The following SH2D3A variants were observed in gnomAD, a reference collection of about 807,000 sequenced individuals.
SH2D3A encodes the protein SH2 domain-containing protein 3A.
In SH2D3A, 46 loss-of-function variants were observed where a neutral mutation model predicts 50.6. That is an observed-to-expected ratio of 0.91 (90% CI 0.72 to 1.16). SH2D3A has a LOEUF of 1.16. Ranked by LOEUF, SH2D3A falls within the 50% of genes most tolerant of loss-of-function variation. The probability of loss-of-function intolerance (pLI) is 0.00; values close to 1 mark genes in which losing one functional copy is unlikely to be tolerated. For missense variants in SH2D3A, 783 were observed against 786.2 expected (o/e 1.00, Z 0.05); for synonymous variants, 377 against 348.4 (o/e 1.08, Z -0.91).
rs1478962635 is a variant in SH2D3A, at chr19:6,760,820, T to C, written c.237A>G (p.Gln79=). Residue 79 remains glutamine, a synonymous_variant, in exon 3 of 10, where the codon CAA becomes CAG. Transcript: ENST00000245908. ...PRPGRPTALF[Q]LEDEQFPSIP... The stretch of plus-strand genomic sequence containing the variant: ...TGCTGGGGAATTGCTCATCCTCCAG[T>C]TGAAAGAGGGCTGTGGGTCGGCCTG... The C allele has an allele frequency of 1.4e-5, 23 of 1,614,156 alleles. No individual in the cohort carries two copies. Among genetic ancestry groups the C allele is most frequent in the Non-Finnish European group, 1.8e-5 (21 of 1,180,008 alleles).
chr19:6,758,713 C>CT (rs1207444747), intron 4 of SH2D3A: 23 of 152,276 alleles, frequency 1.5e-4, no homozygotes, highest in African/African-American at 5.3e-4. Context: ...GGGCAGGGAT[C>CT]TTTGTCTCTT....
At position 6,754,871 on chromosome 19, in the gene SH2D3A, G is replaced by C. The variant is rs1969559834; in HGVS notation, c.941C>G (p.Pro314Arg). 1.9e-6 allele frequency: 3 copies of C among 1,599,190 alleles called. No individual in the cohort carries two copies. The East Asian group carries it at 6.7e-5, about 36-fold the overall frequency. Reference sequence around the variant, plus strand: ...TAGCAGGTGAAGGGCGGTGCTCCCAGGATGGTGCTCCAGGAACAGGCCACG... The same window carrying C: ...TAGCAGGTGAAGGGCGGTGCTCCCACGATGGTGCTCCAGGAACAGGCCACG... ...TLRGLFLEHH[P>R]GSTALHLLLV... Residue 314 changes from proline (P) to arginine (R), a missense_variant, in exon 5 of 10, where the codon CCT becomes CGT. By Grantham distance (103) the Pro-to-Arg change is moderately radical. Coordinates refer to ENST00000245908, the MANE Select transcript of SH2D3A (RefSeq NM_005490.3).
At chr19:6,760,575 C>A in intron 3 of SH2D3A, 63 bp downstream of exon 3, 1 of 1,373,286 alleles carries the variant, frequency 7.3e-7, no homozygotes. Flanking sequence ...AAAAGTCAAC[C>A]ATTGAGTTGG....
intron 9 of SH2D3A, 107 bp from the exon 10 acceptor site, chr19:6,752,860 C>T: frequency 1.4e-6 from 2 of 1,418,242 alleles, no homozygotes; most frequent in Non-Finnish European, 1.8e-6. Flanking sequence ...CCAACAGGGG[C>T]CCGGGAGGGA....
chr19:6,764,579 T>C (rs1970202901), intron 1 of SH2D3A: 1 of 152,198 alleles, frequency 6.6e-6, no homozygotes, highest in South Asian at 2.1e-4. Context: ...ATCTCTGTCC[T>C]TGGGAGCTGA....
chr19:6,762,681 C>CTTT (rs941083340), intron 2 of SH2D3A, among the ~76,000 whole-genome samples: 1 of 126,760 alleles, frequency 7.9e-6, no homozygotes, highest in Non-Finnish European at 1.7e-5. Flanking sequence ...ATAATTTTCG[C>CTTT]TTTTTTTTTT....
At chr19:6,760,328 A>T (rs902585384) in intron 3 of SH2D3A, among the ~76,000 whole-genome samples, 16 of 152,316 alleles carry the variant, frequency 1.1e-4, no homozygotes, top group Admixed American at 5.9e-4. Context: ...GTGGGCTGAG[A>T]TCGTGCCATT....
chr19:6,767,215 C>G (rs1391373130), intron 1 of SH2D3A, among the ~76,000 whole-genome samples, 172 bp downstream of exon 1: 3 of 152,178 alleles, frequency 2.0e-5, no homozygotes, highest in Non-Finnish European at 4.4e-5. Context: ...TAGAGAGGCA[C>G]GCCCAGGTGA....
At chr19:6,767,316 C>T (rs1000080921) in intron 1 of SH2D3A, 71 bp downstream of exon 1, 1 of 152,282 alleles carries the variant, frequency 6.6e-6, no homozygotes, top group Non-Finnish European at 1.5e-5. Flanking sequence ...GAGCCGGTGA[C>T]CCCACCTGGA....
At chr19:6,753,713 C>T in intron 8 of SH2D3A, 72 bp from the exon 9 acceptor site, 3 of 1,389,868 alleles carry the variant, frequency 2.2e-6, no homozygotes, top group Non-Finnish European at 2.9e-6. Flanking sequence ...GAACCTAGGA[C>T]AAATGCAGGG....
chr19:6,761,964 AC>A (rs79015424), intron 2 of SH2D3A, among the ~76,000 whole-genome samples: 12 of 110,642 alleles, frequency 1.1e-4, no homozygotes, highest in African/African-American at 5.3e-4. Context: ...CAAAAAAAAA[AC>A]AAAAAAAAAA....
rs1167849260 is a variant in SH2D3A at position 6,761,379 on chromosome 19, AC to A, written c.70-393del. Among the ~76,000 whole-genome samples the A allele has an allele frequency of 2.0e-5, 3 of 152,312 alleles. No homozygotes were observed. The East Asian group carries it at 5.8e-4, about 29-fold the overall frequency. On this transcript the variant is annotated intron_variant, in intron 2 of 9. Coordinates refer to ENST00000245908, the MANE Select transcript of SH2D3A (RefSeq NM_005490.3). ...AGCTACAAGATGCACTTGGCTCCCA[AC>A]TGATTTATGGAGCTTTGCATCTCTG...
chr19:6,759,514 C>T, intron 4 of SH2D3A, 80 bp downstream of exon 4: 2 of 1,271,870 alleles, frequency 1.6e-6, no homozygotes, highest in Non-Finnish European at 1.1e-6. Context: ...CGAAGAGGTG[C>T]CTGCACCTGA....
chr19:6,752,699 C>CT lies in SH2D3A; in HGVS notation c.1624dup (p.Arg542LysfsTer6). 1 of 1,552,742 alleles carries CT rather than the reference C, an allele frequency of 6.4e-7. No individual in the cohort carries two copies. The highest frequency in any genetic ancestry group is 8.7e-7 in the Non-Finnish European group (1 of 1,147,854). ...CGCGCCCCGGCTACCCCAGAGCAGCCTCCGCACGAAGCCGGTGGTCAGGGC... is the reference window on the plus strand; with the variant it reads ...CGCGCCCCGGCTACCCCAGAGCAGCCTTCCGCACGAAGCCGGTGGTCAGGGC... On this transcript the variant is annotated frameshift_variant, in exon 10 of 10. Transcript: ENST00000245908. LOFTEE classifies it low-confidence loss of function (END_TRUNC).
chr19:6,761,100 C>T (rs766038153), intron 2 of SH2D3A, 113 bp from the exon 3 acceptor site: 1 of 835,918 alleles, frequency 1.2e-6, no homozygotes, highest in Non-Finnish European at 1.8e-6. Context: ...CCCAGTGAAA[C>T]TTCTGTGGCA....
chr19:6,760,536 C>G, intron 3 of SH2D3A, 102 bp downstream of exon 3: 1 of 1,008,854 alleles, frequency 9.9e-7, no homozygotes. Context: ...CCAGCCTGGG[C>G]AACAGAGTGA....
At chr19:6,762,479 C>G (rs1970076583) in intron 2 of SH2D3A, among the ~76,000 whole-genome samples, 1 of 150,672 alleles carries the variant, frequency 6.6e-6, no homozygotes. Flanking sequence ...GTCACCATGC[C>G]CGGCCCATTT....
intron 2 of SH2D3A, chr19:6,761,194 C>G: frequency 1.8e-6 from 1 of 571,118 alleles, no homozygotes; most frequent in South Asian, 2.2e-5. Context: ...GGTTCCCTTG[C>G]GGCTAGGGTT....
Position 6,752,414 on chromosome 19 carries a change from A to C in SH2D3A, c.*179T>G. ...TTTGAACTCTGGCCTCTGATGCCAG[A>C]TCTGCAGGTCACATGTTCACCATGG... On this transcript the variant is annotated 3_prime_UTR_variant, in exon 10 of 10. Coordinates refer to ENST00000245908, the MANE Select transcript of SH2D3A (RefSeq NM_005490.3). 4.3e-6 allele frequency: 2 copies of C among 469,442 alleles called. No individual in the cohort carries two copies. The highest frequency in any genetic ancestry group is 3.9e-5 in the Admixed American group (1 of 25,612). 29.1% of individuals were successfully genotyped at this position (469,442 alleles called of 1,614,324 possible).
Sources: allele counts gnomAD v4.1 joint callset (sites outside exome capture counted in the v4.1 genomes callset), GRCh38; gene constraint gnomAD v4.1.1; transcripts MANE v1.5; gene names NCBI Gene and HGNC (gene_info 2026-07-23, HGNC 2026-07-21).